Variants in BAZ2B observed in about 807,000 individuals in gnomAD.
BAZ2B encodes the protein bromodomain adjacent to zinc finger domain protein 2B.
In BAZ2B, 91 loss-of-function variants were observed where a neutral mutation model predicts 246.0. The ratio of observed to expected loss-of-function variants is 0.37; its 90% CI spans 0.31 to 0.44. BAZ2B has a LOEUF of 0.44. Among genes scored for constraint, BAZ2B ranks in the 20% least tolerant of loss-of-function variants. The pLI is 1.00. For missense variants in BAZ2B, 2,332 were observed against 2,533.7 expected, an observed-to-expected ratio of 0.92 and a Z score of 1.71; for synonymous variants, 855 against 860.0, an observed-to-expected ratio of 0.99 and a Z score of 0.10.
the BAZ2B span, among the ~76,000 whole-genome samples, chr2:159,650,181 C>T: frequency 6.7e-6 from 1 of 150,256 alleles, no homozygotes; most frequent in East Asian, 1.9e-4. Context: ...CCTTATCCAT[C>T]AATTTTACAA....
chr2:159,316,254 T>C (rs570056350), downstream of BAZ2B, among the ~76,000 whole-genome samples: 7 of 151,848 alleles, frequency 4.6e-5, no homozygotes, highest in African/African-American at 1.7e-4. Flanking sequence ...CCTCAATTAT[T>C]TGAGGTTTAA....
chr2:159,351,948 C>T lies in BAZ2B; in HGVS notation c.4214-1591G>A, dbSNP rs572915568. On this transcript the variant is annotated intron_variant, in intron 27 of 36. Transcript: ENST00000392783. ...CAGGGGTAGCCATGGTTAATTACAT[C>T]AATACACCTTCCCAGAAATAGTATA... 5.3e-5 allele frequency among the ~76,000 whole-genome samples: 8 copies of T among 152,282 alleles called. 1 individual carries two copies. In the South Asian group the frequency reaches 1.7e-3, roughly 32 times the overall value.
At chr2:159,664,010 A>G in the BAZ2B span, among the ~76,000 whole-genome samples, 3 of 67,434 alleles carry the variant, frequency 4.4e-5, no homozygotes, top group Non-Finnish European at 8.7e-5. Flanking sequence ...ATATCTCCCA[A>G]TGCTATCCCT....
the BAZ2B span, among the ~76,000 whole-genome samples, chr2:159,666,345 T>A: frequency 3.3e-5 from 5 of 150,072 alleles, no homozygotes; most frequent in Non-Finnish European, 7.4e-5. Flanking sequence ...CTGCAATCTC[T>A]GCCTCACTGA....
rs572606056 is a variant in BAZ2B at position 159,439,751 on chromosome 2, T to C, written c.697-539A>G. On this transcript the variant is annotated intron_variant, in intron 6 of 36. Transcript: ENST00000392783. ...AAAAGCAAATTATTCCATATAATAA[T>C]AAGTGCTGTAGAGAAGATAAAGTAG... Among the ~76,000 whole-genome samples the C allele has an allele frequency of 3.9e-5, 6 of 152,194 alleles. No homozygotes were observed. The South Asian group carries it at 1.2e-3, about 32-fold the overall frequency.
intron 27 of BAZ2B, among the ~76,000 whole-genome samples, chr2:159,353,892 T>C (rs1172800551): frequency 6.6e-6 from 1 of 152,188 alleles, no homozygotes; most frequent in Non-Finnish European, 1.5e-5. Context: ...GTAACTTAAC[T>C]GTGCCTTGGT....
intron 3 of BAZ2B, among the ~76,000 whole-genome samples, chr2:159,472,573 G>A (rs751556567): frequency 6.6e-6 from 1 of 152,200 alleles, no homozygotes; most frequent in African/African-American, 2.4e-5. Context: ...GGTTTTCAAA[G>A]GGAATGCTTC....
At chr2:159,403,374 C>T (rs1276444936) in intron 16 of BAZ2B, among the ~76,000 whole-genome samples, 1 of 152,062 alleles carries the variant, frequency 6.6e-6, no homozygotes, top group African/African-American at 2.4e-5. Flanking sequence ...CAATGAGTAG[C>T]AAAGACCATG....
chr2:159,349,664 TA>T (rs772590041), intron 28 of BAZ2B, 43 bp downstream of exon 28: 2 of 1,520,284 alleles, frequency 1.3e-6, no homozygotes, highest in Non-Finnish European at 1.8e-6. Context: ...GGTCAAAGAT[TA>T]CATAAAGCAA....
At chr2:159,345,017 C>T (rs775845391) in intron 31 of BAZ2B, among the ~76,000 whole-genome samples, 1 of 152,042 alleles carries the variant, frequency 6.6e-6, no homozygotes, top group Admixed American at 6.6e-5. Context: ...TGAGACCAGC[C>T]TGACCAACAT....
chr2:159,606,161 G>C (rs552931748), intron 1 of BAZ2B, among the ~76,000 whole-genome samples: 26 of 152,242 alleles, frequency 1.7e-4, no homozygotes, highest in African/African-American at 6.3e-4. Flanking sequence ...TGTTCCAAAA[G>C]GACTTGATTA....
chr2:159,642,397 C>A, the BAZ2B span, among the ~76,000 whole-genome samples: 1 of 152,006 alleles, frequency 6.6e-6, no homozygotes. Context: ...GCCACCACAC[C>A]TAGCTAATTT....
chr2:159,614,304 T>C (rs1381566051), intron 1 of BAZ2B, among the ~76,000 whole-genome samples: 1 of 151,984 alleles, frequency 6.6e-6, no homozygotes, highest in Admixed American at 6.6e-5. Context: ...ACAAAGAGTT[T>C]ATAGCTAGCG....
rs1049086026 is a variant in BAZ2B at position 159,347,506 on chromosome 2, A to G, written c.5434T>C (p.Ser1812Pro). The G allele has an allele frequency of 6.2e-7, 1 of 1,613,896 alleles. No homozygotes were observed. The highest frequency in any genetic ancestry group is 1.1e-5 in the South Asian group (1 of 91,066). ...TTTACCTTCACTTGCAAACTTGCTG[A>G]TGCAACTCTCCTTTCTAGATCTTCT... ...QVEDLERRVA[S>P]ASLQVKGWMC... Residue 1812 changes from serine (S) to proline (P), a missense_variant, in exon 31 of 37, where the codon TCA (serine) becomes CCA (proline). Ser to Pro is a moderately conservative substitution (Grantham distance 74). This residue lies in a region of BAZ2B where 676 missense variants were observed against 668.6 expected (regional missense o/e 1.01). Transcript: ENST00000392783.
intron 2 of BAZ2B, among the ~76,000 whole-genome samples, chr2:159,526,610 T>G (rs2151293615): frequency 6.6e-6 from 1 of 152,302 alleles, no homozygotes; most frequent in East Asian, 1.9e-4. Context: ...GTTTAAGGTT[T>G]TGTTTGCACT....
chr2:159,323,281 G>A (rs1031413877), intron 36 of BAZ2B, among the ~76,000 whole-genome samples: 17 of 151,776 alleles, frequency 1.1e-4, no homozygotes, highest in Non-Finnish European at 2.2e-4. Context: ...CACCTTGCCT[G>A]GCCCATATGA....
chr2:159,571,964 C>A (rs1418344853), intron 1 of BAZ2B, among the ~76,000 whole-genome samples: 3 of 152,198 alleles, frequency 2.0e-5, no homozygotes, highest in Non-Finnish European at 4.4e-5. Flanking sequence ...AATACTGTTA[C>A]AATGGCAACA....
chr2:159,465,642 AC>A (rs534612212), intron 3 of BAZ2B, among the ~76,000 whole-genome samples: 29 of 152,284 alleles, frequency 1.9e-4, no homozygotes, highest in Non-Finnish European at 4.0e-4. Flanking sequence ...AACAGCCTGA[AC>A]AGGCGCGATG....
intron 3 of BAZ2B, chr2:159,462,588 G>C (rs2076542173): frequency 1.1e-6 from 1 of 872,596 alleles, no homozygotes; most frequent in Middle Eastern, 2.2e-4. Context: ...TTGGCAGTTT[G>C]TGCGTCATTC....
Sources: gnomAD v4.1 joint callset for allele counts (sites outside exome capture counted in the v4.1 genomes callset) on GRCh38, gnomAD v4.1.1 for gene constraint, gnomAD v4.1.1 regional missense constraint, MANE v1.5 for transcripts, NCBI Gene and HGNC (gene_info 2026-07-23, HGNC 2026-07-21) for gene names.